The following EFCAB11 variants were observed in gnomAD, a reference collection of about 807,000 sequenced individuals.
EFCAB11 encodes the protein EF-hand calcium binding domain 11, also known as EF-hand calcium-binding domain-containing protein 11.
A neutral mutation model predicts 23.0 loss-of-function variants in EFCAB11; 14 were observed. The observed-to-expected ratio is 0.61, with a 90% CI of 0.40 to 0.95. The LOEUF is 0.95. EFCAB11 is among the 40% of genes least tolerant of loss of function. The pLI is 0.00. For missense variants in EFCAB11, 198 were observed against 195.8 expected, an observed-to-expected ratio of 1.01 and a Z score of -0.07; for synonymous variants, 65 against 66.6, an observed-to-expected ratio of 0.98 and a Z score of 0.11.
intron 5 of EFCAB11, among the ~76,000 whole-genome samples, chr14:89,894,893 ATATG>A (rs1361918156): frequency 1.1e-4 from 17 of 152,218 alleles, no homozygotes; most frequent in Admixed American, 1.0e-3. Flanking sequence ...AAACGATAAA[ATATG>A]TAGGAAGAAA....
At chr14:89,885,881 T>A (rs1399529998) in intron 5 of EFCAB11, among the ~76,000 whole-genome samples, 6 of 132,362 alleles carry the variant, frequency 4.5e-5, no homozygotes, top group Non-Finnish European at 8.9e-5. Flanking sequence ...CTTGTTTTTT[T>A]CTTTTTTTTT....
intron 5 of EFCAB11, among the ~76,000 whole-genome samples, chr14:89,825,388 G>A (rs900711166): frequency 2.6e-5 from 4 of 151,972 alleles, no homozygotes; most frequent in African/African-American, 9.7e-5. Flanking sequence ...CATTTGAAAA[G>A]ACTAAAATCA....
chr14:89,920,243 T>A (rs992255814), intron 5 of EFCAB11, among the ~76,000 whole-genome samples: 1 of 152,150 alleles, frequency 6.6e-6, no homozygotes, highest in African/African-American at 2.4e-5. Context: ...TCAAATGAAA[T>A]CTCAAGTATA....
intron 5 of EFCAB11, among the ~76,000 whole-genome samples, chr14:89,851,330 G>A (rs972278908): frequency 6.6e-6 from 1 of 152,154 alleles, no homozygotes; most frequent in Non-Finnish European, 1.5e-5. Flanking sequence ...TTTGTTCCAC[G>A]ATTACATGTA....
chr14:89,910,319 C>G (rs10141272), intron 5 of EFCAB11, among the ~76,000 whole-genome samples: 5 of 151,858 alleles, frequency 3.3e-5, no homozygotes, highest in Non-Finnish European at 7.4e-5. Flanking sequence ...GTCTAGTGAC[C>G]GGGTGCAGTG....
rs1240048651 is a variant in EFCAB11, at chr14:89,795,435, G to C, written c.*1808C>G. On this transcript the variant is annotated 3_prime_UTR_variant, in exon 6 of 6. Transcript: ENST00000316738. ...CACGCCTGTAATCCCAGCACTTTGGGAGGCCGAGGCAGACGGATCACTTGA... is the reference window on the plus strand; with the variant it reads ...CACGCCTGTAATCCCAGCACTTTGGCAGGCCGAGGCAGACGGATCACTTGA... 1 of 151,868 alleles carries C rather than the reference G, an allele frequency of 6.6e-6. No individual in the cohort carries two copies. The highest frequency in any genetic ancestry group is 6.6e-5 in the Admixed American group (1 of 15,252). The allele number at this position is 151,868 out of a possible 1,614,324, so 9.4% of individuals were successfully genotyped here.
intron 5 of EFCAB11, among the ~76,000 whole-genome samples, chr14:89,905,707 G>A (rs1889476475): frequency 6.6e-6 from 1 of 152,158 alleles, no homozygotes; most frequent in Non-Finnish European, 1.5e-5. Flanking sequence ...AAGAAGAGGA[G>A]GAGTCAGAGA....
intron 5 of EFCAB11, among the ~76,000 whole-genome samples, chr14:89,893,772 G>A (rs1312490621): frequency 7.3e-6 from 1 of 137,804 alleles, no homozygotes; most frequent in African/African-American, 2.7e-5. Context: ...CTGCACACTC[G>A]TCTCCAAAAA....
intron 5 of EFCAB11, among the ~76,000 whole-genome samples, chr14:89,805,224 G>A (rs1462844663): frequency 1.3e-5 from 2 of 152,200 alleles, no homozygotes; most frequent in Non-Finnish European, 2.9e-5. Flanking sequence ...TCTGTGCCAT[G>A]TAGCAGCTGT....
intron 5 of EFCAB11, among the ~76,000 whole-genome samples, chr14:89,876,421 G>A (rs1888439716): frequency 6.6e-6 from 1 of 152,104 alleles, no homozygotes; most frequent in African/African-American, 2.4e-5. Context: ...TCCCATTTGG[G>A]TAGCTGATTA....
chr14:89,878,685 G>C (rs938607824), intron 5 of EFCAB11, among the ~76,000 whole-genome samples: 1 of 151,930 alleles, frequency 6.6e-6, no homozygotes, highest in Non-Finnish European at 1.5e-5. Flanking sequence ...TCTCTACTTT[G>C]AGCAGTTATT....
intron 3 of EFCAB11, among the ~76,000 whole-genome samples, chr14:89,947,041 T>A (rs748610100): frequency 5.9e-5 from 9 of 152,180 alleles, no homozygotes; most frequent in Non-Finnish European, 1.3e-4. Context: ...AGTATCAACA[T>A]ATATTTATGA....
rs1888711568 is a variant in EFCAB11, at chr14:89,885,062, T to C, written c.410+46479A>G. Among the ~76,000 whole-genome samples, 2 of 152,242 alleles carry C rather than the reference T, an allele frequency of 1.3e-5. 1 individual carries two copies. The highest frequency in any genetic ancestry group is 4.1e-4 in the South Asian group (2 of 4,836). ...TTAAGCCACCCAGTCTATGGTATTCTGTTACAACAGACGGACTAGACTAAG... is the reference window on the plus strand; with the variant it reads ...TTAAGCCACCCAGTCTATGGTATTCCGTTACAACAGACGGACTAGACTAAG... On this transcript the variant is annotated intron_variant, in intron 5 of 5. Transcript: ENST00000316738.
rs995643881 is a variant in EFCAB11, at chr14:89,796,610, G to A, written c.*633C>T. 9 of 152,232 alleles carry A rather than the reference G, an allele frequency of 5.9e-5. No individual in the cohort carries two copies. Among genetic ancestry groups the A allele is most frequent in the African/African-American group, 2.2e-4 (9 of 41,440 alleles). 9.4% of individuals were successfully genotyped at this position (152,232 alleles called of 1,614,324 possible). ...ATTGTAGGCATGAGCCTATCTTAGA[G>A]AAGTCTTAAGCCTATGCTTCCCAAG... is the stretch of plus-strand genomic sequence containing the variant. On this transcript the variant is annotated 3_prime_UTR_variant, in exon 6 of 6. Coordinates refer to ENST00000316738, the MANE Select transcript of EFCAB11 (RefSeq NM_145231.4).
Position 89,810,296 on chromosome 14 carries a change from G to C in EFCAB11, c.411-12972C>G, listed in dbSNP as rs138218660. ...ATCTTACACCAATTGCTGTGAAAATGTTGGCACTTTTCCTTCCGTCAGCAT... is the reference window on the plus strand; with the variant it reads ...ATCTTACACCAATTGCTGTGAAAATCTTGGCACTTTTCCTTCCGTCAGCAT... On this transcript the variant is annotated intron_variant, in intron 5 of 5. Coordinates refer to ENST00000316738, the MANE Select transcript of EFCAB11 (RefSeq NM_145231.4). Among the ~76,000 whole-genome samples the C allele has an allele frequency of 7.7e-3, 1,175 of 152,280 alleles. 16 individuals are homozygous for C. Among genetic ancestry groups the C allele is most frequent in the African/African-American group, 0.026 (1,096 of 41,546 alleles).
At chr14:89,843,103 T>C (rs933961873) in intron 5 of EFCAB11, among the ~76,000 whole-genome samples, 2 of 152,042 alleles carry the variant, frequency 1.3e-5, no homozygotes, top group Non-Finnish European at 2.9e-5. Context: ...ATGCTATCTC[T>C]ACACCAGCCC....
intron 5 of EFCAB11, among the ~76,000 whole-genome samples, chr14:89,910,602 C>CATAT (rs780063003): frequency 1.5e-5 from 1 of 67,404 alleles, no homozygotes; most frequent in African/African-American, 2.5e-4. Context: ...GTCTCAAATA[C>CATAT]ATACATACAT....
intron 5 of EFCAB11, among the ~76,000 whole-genome samples, chr14:89,925,313 T>A (rs1394256473): frequency 6.6e-6 from 1 of 152,210 alleles, no homozygotes; most frequent in African/African-American, 2.4e-5. Flanking sequence ...AAAGCCAGGT[T>A]AAAGAGTTTT....
intron 5 of EFCAB11, among the ~76,000 whole-genome samples, chr14:89,834,375 CAAAAAAAAAAA>C (rs5810476): frequency 5.9e-4 from 19 of 32,436 alleles, no homozygotes; most frequent in East Asian, 2.4e-3. Context: ...GACTCCGTCT[CAAAAAAAAAAA>C]AAAAAAAAAA....
Sources: allele counts gnomAD v4.1 joint callset (sites outside exome capture counted in the v4.1 genomes callset), GRCh38; gene constraint gnomAD v4.1.1; transcripts MANE v1.5; gene names NCBI Gene and HGNC (gene_info 2026-07-23, HGNC 2026-07-21).